Variants in DSCAM observed in about 807,000 individuals in gnomAD.
The protein encoded by DSCAM is DS cell adhesion molecule.
In DSCAM, 47 loss-of-function variants were observed where a neutral mutation model predicts 217.7. That is an observed-to-expected ratio of 0.22 (90% confidence interval 0.17 to 0.28). DSCAM has a LOEUF of 0.28. Ranked by LOEUF, DSCAM falls within the 10% of genes least tolerant of loss-of-function variation. The pLI is 1.00. For missense variants in DSCAM, 2,080 were observed against 2,618.3 expected (o/e 0.79, Z 4.49); for synonymous variants, 1,056 against 1,015.3 (o/e 1.04, Z -0.76).
Position 40,093,776 on chromosome 21 carries a change from A to C in DSCAM, c.3795T>G (p.Thr1265=). The C allele has an allele frequency of 1.9e-6, 3 of 1,614,036 alleles. No individual in the cohort carries two copies. The highest frequency in any genetic ancestry group is 1.7e-6 in the Non-Finnish European group (2 of 1,179,990). ...RQYSVWVVAV[T]SAGRGNSSEI... ...CACTGCTGTTGCCTCTTCCGGCTGAAGTAACAGCCACCACCCAGACGCTGT... is the reference window on the plus strand; with the variant it reads ...CACTGCTGTTGCCTCTTCCGGCTGACGTAACAGCCACCACCCAGACGCTGT... The change falls in exon 21 of 33, where the codon ACT becomes ACG. Residue 1265 remains threonine, a synonymous_variant. Coordinates refer to ENST00000400454, the MANE Select transcript of DSCAM (RefSeq NM_001389.5).
At chr21:40,470,400 C>T (rs563999287) in intron 3 of DSCAM, among the ~76,000 whole-genome samples, 2 of 152,356 alleles carry the variant, frequency 1.3e-5, no homozygotes, top group East Asian at 3.9e-4. Flanking sequence ...GCCACCTGTG[C>T]CATTTGGTGC....
At chr21:40,707,919 T>C (rs1300861199) in intron 2 of DSCAM, among the ~76,000 whole-genome samples, 1 of 152,220 alleles carries the variant, frequency 6.6e-6, no homozygotes, top group Non-Finnish European at 1.5e-5. Flanking sequence ...AGGATTTATG[T>C]ACTGACAACA....
chr21:40,812,013 G>A (rs1043884251), intron 1 of DSCAM, among the ~76,000 whole-genome samples: 3 of 152,198 alleles, frequency 2.0e-5, no homozygotes, highest in African/African-American at 7.2e-5. Flanking sequence ...TGGTATTGGA[G>A]AGTAGAAGAG....
chr21:40,744,766 C>A (rs2146548736), intron 1 of DSCAM, among the ~76,000 whole-genome samples: 1 of 152,178 alleles, frequency 6.6e-6, no homozygotes, highest in Admixed American at 6.5e-5. Context: ...AAAACAATCT[C>A]AGGGAAATAT....
At chr21:40,138,244 G>A (rs1187396076) in intron 18 of DSCAM, among the ~76,000 whole-genome samples, 1 of 152,046 alleles carries the variant, frequency 6.6e-6, no homozygotes, top group Non-Finnish European at 1.5e-5. Flanking sequence ...GAATGTGTGG[G>A]GGGTGTGTGT....
At chr21:40,071,279 A>G (rs2089289368) in intron 27 of DSCAM, among the ~76,000 whole-genome samples, 1 of 152,168 alleles carries the variant, frequency 6.6e-6, no homozygotes, top group Admixed American at 6.5e-5. Flanking sequence ...AAGGTTATAG[A>G]TTTAAAAAAA....
At chr21:40,637,632 A>ATAAATATATATCT in intron 3 of DSCAM, among the ~76,000 whole-genome samples, 1 of 42,222 alleles carries the variant, frequency 2.4e-5, no homozygotes, top group African/African-American at 9.4e-5. Context: ...TACATATATA[A>ATAAATATATATCT]ATATATATAA....
intron 1 of DSCAM, among the ~76,000 whole-genome samples, chr21:40,793,518 G>A (rs549314288): frequency 6.6e-6 from 1 of 152,044 alleles, no homozygotes; most frequent in Admixed American, 6.6e-5. Flanking sequence ...TTGAGACGGG[G>A]TCTCACTCTG....
At chr21:40,811,173 C>CA (rs1057018429) in intron 1 of DSCAM, among the ~76,000 whole-genome samples, 23 of 152,120 alleles carry the variant, frequency 1.5e-4, no homozygotes, top group African/African-American at 5.3e-4. Context: ...ACAGAGAGTC[C>CA]AATGTCATCA....
chr21:40,095,343 C>T (rs2146596022), intron 20 of DSCAM, among the ~76,000 whole-genome samples: 1 of 152,232 alleles, frequency 6.6e-6, no homozygotes. Context: ...GGAGCCAAGC[C>T]ATATCAGAGT....
intron 1 of DSCAM, among the ~76,000 whole-genome samples, chr21:40,794,999 G>C (rs966916513): frequency 6.7e-6 from 1 of 149,374 alleles, no homozygotes; most frequent in African/African-American, 2.5e-5. Context: ...TACACAATAA[G>C]ATTGATAGGC....
chr21:40,052,239 A>G, intron 29 of DSCAM, 132 bp from the exon 30 acceptor site: 1 of 987,484 alleles, frequency 1.0e-6, no homozygotes, highest in East Asian at 2.6e-5. Flanking sequence ...CTAAAGTGAC[A>G]AAAATGATTG....
intron 3 of DSCAM, among the ~76,000 whole-genome samples, chr21:40,508,753 A>T (rs377689955): frequency 4.0e-4 from 1 of 2,484 alleles, no homozygotes; most frequent in African/African-American, 3.2e-3. Context: ...ATATATATAT[A>T]TATATATATA....
chr21:40,387,228 C>T (rs1193270638), intron 3 of DSCAM, among the ~76,000 whole-genome samples: 1 of 152,018 alleles, frequency 6.6e-6, no homozygotes. Context: ...CCTATAATTT[C>T]CCTGTGACAT....
At chr21:40,106,230 G>T (rs116234581) in intron 20 of DSCAM, among the ~76,000 whole-genome samples, 1 of 152,060 alleles carries the variant, frequency 6.6e-6, no homozygotes, top group Non-Finnish European at 1.5e-5. Flanking sequence ...AGGAAAATCC[G>T]CCCCCATGAT....
intron 11 of DSCAM, among the ~76,000 whole-genome samples, chr21:40,275,719 C>T (rs565804698): frequency 6.6e-6 from 1 of 152,252 alleles, no homozygotes; most frequent in South Asian, 2.1e-4. Flanking sequence ...GTAAAGAGCA[C>T]ATCTGAGACC....
At chr21:40,554,379 C>T (rs1601739778) in intron 3 of DSCAM, among the ~76,000 whole-genome samples, 1 of 152,102 alleles carries the variant, frequency 6.6e-6, no homozygotes, top group Non-Finnish European at 1.5e-5. Flanking sequence ...CCTGGAAATA[C>T]TTGTCTCTGA....
chr21:40,769,592 A>G (rs1383016979), intron 1 of DSCAM, among the ~76,000 whole-genome samples: 1 of 152,194 alleles, frequency 6.6e-6, no homozygotes, highest in Non-Finnish European at 1.5e-5. Context: ...GCATCTGCCA[A>G]GAGTCTTGTG....
intron 11 of DSCAM, among the ~76,000 whole-genome samples, chr21:40,232,617 A>T (rs2091392147): frequency 6.6e-6 from 1 of 152,234 alleles, no homozygotes; most frequent in Non-Finnish European, 1.5e-5. Flanking sequence ...AGAAAGAGTT[A>T]GAATTCCATA....
Sources: allele counts gnomAD v4.1 joint callset (sites outside exome capture counted in the v4.1 genomes callset), GRCh38; gene constraint gnomAD v4.1.1; transcripts MANE v1.5; gene names NCBI Gene and HGNC (gene_info 2026-07-23, HGNC 2026-07-21).